Variants in RGS7 observed in about 807,000 individuals in gnomAD.
RGS7 encodes regulator of G protein signaling 7.
In RGS7, 27 loss-of-function variants were observed where a neutral mutation model predicts 81.1. That is an observed-to-expected ratio of 0.33 (90% confidence interval 0.25 to 0.46). RGS7 has a LOEUF of 0.46. Ranked by LOEUF, RGS7 falls within the 20% of genes least tolerant of loss-of-function variation. The pLI, the probability that RGS7 is intolerant of heterozygous loss-of-function variation, is 1.00. For synonymous variants in RGS7, 208 were observed against 207.7 expected (o/e 1.00, Z -0.01); for missense variants, 396 against 607.4 (o/e 0.65, Z 3.66).
At chr1:241,185,837 A>G (rs1403165063) in intron 2 of RGS7, among the ~76,000 whole-genome samples, 3 of 152,180 alleles carry the variant, frequency 2.0e-5, no homozygotes, top group Non-Finnish European at 2.9e-5. Flanking sequence ...CATTCAAGAC[A>G]CAGCTTAAAT....
intron 2 of RGS7, among the ~76,000 whole-genome samples, chr1:241,199,584 A>C (rs1009645983): frequency 6.6e-6 from 1 of 151,978 alleles, no homozygotes; most frequent in African/African-American, 2.4e-5. Flanking sequence ...GGTCCTAGTC[A>C]ATGCAATAAG....
At chr1:241,127,710 AAAG>A (rs1300708272) in intron 2 of RGS7, among the ~76,000 whole-genome samples, 1 of 152,212 alleles carries the variant, frequency 6.6e-6, no homozygotes, top group African/African-American at 2.4e-5. Flanking sequence ...AAATTTAAAA[AAAG>A]AATAACTTTC....
chr1:241,105,555 C>T (rs2065042230), intron 2 of RGS7, among the ~76,000 whole-genome samples: 1 of 152,184 alleles, frequency 6.6e-6, no homozygotes, highest in Non-Finnish European at 1.5e-5. Context: ...CCAGACAGGG[C>T]TCCCACATAT....
chr1:240,790,157 G>T (rs1038029219), intron 18 of RGS7, among the ~76,000 whole-genome samples: 2 of 152,142 alleles, frequency 1.3e-5, no homozygotes, highest in South Asian at 4.2e-4. Context: ...ACTTCAGCTG[G>T]GGAGGTGGAA....
intron 2 of RGS7, among the ~76,000 whole-genome samples, chr1:241,352,058 ACAC>A (rs2083281537): frequency 2.0e-5 from 3 of 152,206 alleles, no homozygotes; most frequent in Admixed American, 2.0e-4. Context: ...TGCTGGCCAG[ACAC>A]CAAATTTGGA....
At chr1:241,236,170 G>C (rs77807535) in intron 2 of RGS7, among the ~76,000 whole-genome samples, 42,441 of 115,198 alleles carry the variant, frequency 0.37, 6,939 homozygotes, top group African/African-American at 0.4. Context: ...GACGACCTCC[G>C]CCCCCCATAT....
chr1:241,162,359 T>G (rs137933445), intron 2 of RGS7, among the ~76,000 whole-genome samples: 7 of 152,176 alleles, frequency 4.6e-5, no homozygotes, highest in Non-Finnish European at 1.0e-4. Context: ...CAAGTGAGCA[T>G]GCACACAACT....
rs114686830 is a variant in RGS7 at position 241,278,751 on chromosome 1, T to C, written c.78+76948A>G. Among the ~76,000 whole-genome samples the C allele has an allele frequency of 4.9e-3, 745 of 152,310 alleles. 8 individuals carry two copies. Among genetic ancestry groups the C allele is most frequent in the African/African-American group, 0.017 (720 of 41,570 alleles). ...GAAGATCTACGTTCTGTTGGCTTTG[T>C]CTACGAACTGCCACGTGGCGCATCC... On this transcript the variant is annotated intron_variant, in intron 2 of 18. Coordinates refer to ENST00000440928, the MANE Select transcript of RGS7 (RefSeq NM_001364886.1).
At chr1:240,836,959 C>T (rs557588032) in intron 9 of RGS7, among the ~76,000 whole-genome samples, 1 of 152,334 alleles carries the variant, frequency 6.6e-6, no homozygotes, top group East Asian at 1.9e-4. Context: ...CATCTAGCAA[C>T]TATCTGTGCA....
intron 3 of RGS7, among the ~76,000 whole-genome samples, chr1:241,091,245 A>G (rs1008982847): frequency 6.6e-6 from 1 of 152,184 alleles, no homozygotes; most frequent in Non-Finnish European, 1.5e-5. Context: ...AAAAAAACAG[A>G]TGTCATCAAA....
intron 6 of RGS7, among the ~76,000 whole-genome samples, chr1:240,904,807 C>T (rs558319085): frequency 1.8e-4 from 27 of 152,266 alleles, no homozygotes; most frequent in Admixed American, 6.5e-4. Context: ...TGGATATAAA[C>T]ATATTTTTAA....
intron 4 of RGS7, among the ~76,000 whole-genome samples, chr1:240,949,257 C>T (rs1679155339): frequency 1.3e-5 from 2 of 152,018 alleles, no homozygotes; most frequent in Admixed American, 1.3e-4. Flanking sequence ...AATAAAAATG[C>T]ATTCCCTTTT....
chr1:241,314,459 T>G (rs2080743911), intron 2 of RGS7, among the ~76,000 whole-genome samples: 1 of 152,254 alleles, frequency 6.6e-6, no homozygotes, highest in African/African-American at 2.4e-5. Context: ...TTAGCCATAA[T>G]GTTCTTTGAC....
intron 9 of RGS7, among the ~76,000 whole-genome samples, chr1:240,854,733 G>A (rs1660757039): frequency 6.6e-6 from 1 of 152,162 alleles, no homozygotes. Flanking sequence ...GAAGACAGAT[G>A]AGTAACAGCA....
intron 2 of RGS7, among the ~76,000 whole-genome samples, chr1:241,196,281 A>T (rs2073058885): frequency 6.6e-6 from 1 of 152,104 alleles, no homozygotes; most frequent in Admixed American, 6.6e-5. Context: ...TTCACAAAAT[A>T]AAAGCATTTT....
At chr1:241,109,683 C>T (rs1389907898) in intron 2 of RGS7, among the ~76,000 whole-genome samples, 1 of 151,974 alleles carries the variant, frequency 6.6e-6, no homozygotes, top group South Asian at 2.1e-4. Flanking sequence ...TCTGGCCGGG[C>T]GCAGTGGCTC....
chr1:240,927,070 G>A (rs1572802867), intron 6 of RGS7, among the ~76,000 whole-genome samples: 2 of 149,914 alleles, frequency 1.3e-5, no homozygotes, highest in East Asian at 3.9e-4. Context: ...GTTTTGTTTT[G>A]TTTTGTTTGT....
intron 2 of RGS7, among the ~76,000 whole-genome samples, chr1:241,122,181 G>A (rs972065646): frequency 6.6e-6 from 1 of 152,134 alleles, no homozygotes; most frequent in African/African-American, 2.4e-5. Flanking sequence ...CATCCTGTTG[G>A]CAAGCTGAAG....
At chr1:241,057,039 A>C (rs2061507585) in intron 3 of RGS7, among the ~76,000 whole-genome samples, 1 of 149,402 alleles carries the variant, frequency 6.7e-6, no homozygotes, top group South Asian at 2.1e-4. Context: ...TATTCATGGT[A>C]ATTTATTTCC....
Sources: gnomAD v4.1 joint callset for allele counts (sites outside exome capture counted in the v4.1 genomes callset) on GRCh38, gnomAD v4.1.1 for gene constraint, MANE v1.5 for transcripts, NCBI Gene and HGNC (gene_info 2026-07-23, HGNC 2026-07-21) for gene names.